The following PHF21B variants were observed in gnomAD, a reference collection of about 807,000 sequenced individuals.
PHF21B encodes the protein PHD finger protein 4.
Under a neutral mutation model 62.2 loss-of-function variants are expected in PHF21B, and 22 were observed. The observed-to-expected ratio is 0.35, with a 90% CI of 0.25 to 0.51. The LOEUF is 0.51. PHF21B is among the 20% of genes least tolerant of loss of function. The probability of loss-of-function intolerance (pLI) is 0.97; values close to 1 mark genes in which losing one functional copy is unlikely to be tolerated. For synonymous variants in PHF21B, 341 were observed against 314.7 expected, an observed-to-expected ratio of 1.08 and a Z score of -0.88; for missense variants, 701 against 707.9, an observed-to-expected ratio of 0.99 and a Z score of 0.11.
intron 5 of PHF21B, among the ~76,000 whole-genome samples, chr22:44,897,233 G>A (rs568125173): frequency 6.6e-6 from 1 of 151,960 alleles, no homozygotes; most frequent in Non-Finnish European, 1.5e-5. Context: ...GCTCACTAGG[G>A]CATTTTTTTT....
chr22:44,882,257 A>C lies in PHF21B; in HGVS notation c.*829T>G, dbSNP rs896228377. ...GAAAACCTGCCAAATGCTGCCCCCC[A>C]CAACAGGGTTGCAGCTCCACTCTGC... On this transcript the variant is annotated 3_prime_UTR_variant, in exon 13 of 13. Transcript: ENST00000313237. 1 of 152,598 alleles carries C rather than the reference A, an allele frequency of 6.6e-6. No homozygotes were observed. Among genetic ancestry groups the C allele is most frequent in the African/African-American group, 2.4e-5 (1 of 41,426 alleles). The allele number at this position is 152,598 out of a possible 1,614,324, so 9.5% of individuals were successfully genotyped here.
Position 44,885,423 on chromosome 22 carries a change from C to T in PHF21B, c.1377+3G>A. On this transcript the variant is annotated splice_donor_region_variant and intron_variant, in intron 12 of 12. Coordinates refer to ENST00000313237, the MANE Select transcript of PHF21B (RefSeq NM_138415.5). ...CCAGCCTCCCCCAGGCCCCGGGGCACACCTGCACTGCTGACGCCAGCCGCC... is the reference window on the plus strand; with the variant it reads ...CCAGCCTCCCCCAGGCCCCGGGGCATACCTGCACTGCTGACGCCAGCCGCC... The T allele has an allele frequency of 6.4e-7, 1 of 1,572,810 alleles. No homozygotes were observed. The highest frequency in any genetic ancestry group is 2.2e-4 in the Middle Eastern group (1 of 4,568).
chr22:44,938,117 C>T (rs1042674896), intron 2 of PHF21B, among the ~76,000 whole-genome samples: 3 of 152,264 alleles, frequency 2.0e-5, no homozygotes, highest in Non-Finnish European at 2.9e-5. Flanking sequence ...CTGTGTCACC[C>T]AGGATGGAGT....
intron 2 of PHF21B, 78 bp from the exon 3 acceptor site, chr22:44,920,568 A>G (rs1303660648): frequency 1.2e-5 from 13 of 1,041,416 alleles, no homozygotes; most frequent in Non-Finnish European, 1.8e-5. Flanking sequence ...CTGGCCAAGC[A>G]GGGGGCAGCT....
chr22:45,008,518 AG>A (rs781024168), intron 2 of PHF21B, 26 bp downstream of exon 2: 31 of 1,535,984 alleles, frequency 2.0e-5, no homozygotes, highest in South Asian at 4.8e-5. Context: ...GCCCCATCCC[AG>A]GGGGGGCCGC....
chr22:44,955,894 A>T (rs5765102), intron 2 of PHF21B, among the ~76,000 whole-genome samples: 23 of 152,034 alleles, frequency 1.5e-4, no homozygotes, highest in Non-Finnish European at 2.1e-4. Context: ...CATGGTCAGC[A>T]CTCAAAGACG....
intron 6 of PHF21B, among the ~76,000 whole-genome samples, chr22:44,894,360 C>T (rs2071020412): frequency 6.6e-6 from 1 of 152,164 alleles, no homozygotes; most frequent in Admixed American, 6.5e-5. Context: ...ACGAAGTTTA[C>T]AGGCGCAGTT....
At chr22:44,980,134 A>G (rs1449704542) in intron 2 of PHF21B, among the ~76,000 whole-genome samples, 1 of 150,084 alleles carries the variant, frequency 6.7e-6, no homozygotes, top group Admixed American at 6.6e-5. Flanking sequence ...CTACGAGGCC[A>G]CTGCATTTAC....
chr22:44,926,516 G>A (rs916787228), intron 2 of PHF21B, among the ~76,000 whole-genome samples: 17 of 152,092 alleles, frequency 1.1e-4, no homozygotes, highest in African/African-American at 3.1e-4. Context: ...CAGGCAAGGC[G>A]GGTGTGTGCT....
chr22:44,912,878 C>CCAAAAAAAAAAA (rs772630054), intron 5 of PHF21B, among the ~76,000 whole-genome samples: 1 of 45,608 alleles, frequency 2.2e-5, no homozygotes, highest in African/African-American at 1.2e-4. Context: ...GACTCTATCT[C>CCAAAAAAAAAAA]AAAAAAAAAA....
chr22:44,893,661 T>C, intron 6 of PHF21B, 128 bp from the exon 7 acceptor site: 2 of 894,764 alleles, frequency 2.2e-6, no homozygotes, highest in South Asian at 1.6e-5. Context: ...TCAGCATCCA[T>C]GCCACAGAAT....
chr22:44,982,345 G>A (rs189901217), intron 2 of PHF21B, among the ~76,000 whole-genome samples: 94 of 152,348 alleles, frequency 6.2e-4, no homozygotes, highest in African/African-American at 2.2e-3. Context: ...TCATGACTGA[G>A]CATCCACTTG....
Position 44,946,219 on chromosome 22 carries a change from C to T in PHF21B, c.121-25729G>A, listed in dbSNP as rs570799562. Among the ~76,000 whole-genome samples, 31 of 146,880 alleles carry T rather than the reference C, an allele frequency of 2.1e-4. 1 individual carries two copies. Among genetic ancestry groups the T allele is most frequent in the African/African-American group, 7.6e-4 (28 of 36,626 alleles). ...AGAGTGGAGGGGGCACCACGTACTTCTGGGGCTCGGGGTGGGGAGGGATGC... is the reference window on the plus strand; with the variant it reads ...AGAGTGGAGGGGGCACCACGTACTTTTGGGGCTCGGGGTGGGGAGGGATGC... On this transcript the variant is annotated intron_variant, in intron 2 of 12. Transcript: ENST00000313237.
intron 1 of PHF21B, 79 bp from the exon 2 acceptor site, chr22:45,008,689 C>G: frequency 8.0e-7 from 1 of 1,244,552 alleles, no homozygotes; most frequent in Admixed American, 3.9e-5. Flanking sequence ...CGCGGCACCC[C>G]CCGCCCGGAG....
At chr22:44,974,501 A>T (rs2072700353) in intron 2 of PHF21B, among the ~76,000 whole-genome samples, 1 of 152,044 alleles carries the variant, frequency 6.6e-6, no homozygotes, top group Non-Finnish European at 1.5e-5. Flanking sequence ...TCACCCAAAC[A>T]GCCGACATAC....
chr22:44,900,667 G>A (rs571374622), intron 5 of PHF21B, among the ~76,000 whole-genome samples: 23 of 152,234 alleles, frequency 1.5e-4, no homozygotes, highest in African/African-American at 5.5e-4. Flanking sequence ...TGAAATCCTT[G>A]GCTTGTTCTT....
intron 2 of PHF21B, among the ~76,000 whole-genome samples, chr22:44,999,340 G>A (rs1275246826): frequency 1.3e-5 from 2 of 152,094 alleles, no homozygotes; most frequent in African/African-American, 2.4e-5. Flanking sequence ...CCAGAGAGAG[G>A]GAGGAGGAGG....
intron 12 of PHF21B, among the ~76,000 whole-genome samples, chr22:44,883,672 C>T (rs1199304073): frequency 2.6e-5 from 4 of 152,170 alleles, no homozygotes; most frequent in Admixed American, 6.5e-5. Context: ...CTCTTTCTCT[C>T]GCCTGTTGTG....
chr22:45,003,206 C>A (rs2073251029), intron 2 of PHF21B: 1 of 152,244 alleles, frequency 6.6e-6, no homozygotes, highest in African/African-American at 2.4e-5. Context: ...AGGGGCTCCC[C>A]TAGGACAGTT....
Sources: allele counts gnomAD v4.1 joint callset (sites outside exome capture counted in the v4.1 genomes callset), GRCh38; gene constraint gnomAD v4.1.1; transcripts MANE v1.5; gene names NCBI Gene and HGNC (gene_info 2026-07-23, HGNC 2026-07-21).